Variants in ZFHX3 observed in about 807,000 individuals in gnomAD.
ZFHX3 encodes the protein zinc finger homeobox 3.
A neutral mutation model predicts 279.1 loss-of-function variants in ZFHX3; 42 were observed. The observed-to-expected ratio is 0.15, with a 90% CI of 0.12 to 0.19. ZFHX3 has a LOEUF of 0.19. ZFHX3 is among the 10% of genes least tolerant of loss of function. The probability of loss-of-function intolerance (pLI) is 1.00; values close to 1 mark genes in which losing one functional copy is unlikely to be tolerated. For synonymous variants in ZFHX3, 2,293 were observed against 1,957.8 expected, an observed-to-expected ratio of 1.17 and a Z score of -4.52; for missense variants, 4,981 against 4,754.0, an observed-to-expected ratio of 1.05 and a Z score of -1.40.
At chr16:72,806,268 C>G (rs898843575) in intron 7 of ZFHX3, among the ~76,000 whole-genome samples, 3 of 152,104 alleles carry the variant, frequency 2.0e-5, no homozygotes, top group Non-Finnish European at 2.9e-5. Context: ...AGGCTGGAAA[C>G]AAATGTAGCT....
At chr16:73,816,984 C>T (rs1378449098) in intron 1 of ZFHX3, among the ~76,000 whole-genome samples, 1 of 152,094 alleles carries the variant, frequency 6.6e-6, no homozygotes, top group Non-Finnish European at 1.5e-5. Context: ...TGAAGGTCCC[C>T]ACATCCCAGG....
chr16:73,658,137 A>G (rs2052741214), intron 2 of ZFHX3, among the ~76,000 whole-genome samples: 1 of 152,172 alleles, frequency 6.6e-6, no homozygotes, highest in South Asian at 2.1e-4. Flanking sequence ...ATACATTACA[A>G]TTAACATTAC....
At chr16:73,793,845 G>A (rs773852903) in intron 1 of ZFHX3, among the ~76,000 whole-genome samples, 2 of 152,118 alleles carry the variant, frequency 1.3e-5, no homozygotes, top group African/African-American at 2.4e-5. Context: ...AGGGGATACT[G>A]TACCTTTAAC....
At chr16:73,424,125 G>A (rs1266071736) in intron 3 of ZFHX3, among the ~76,000 whole-genome samples, 2 of 152,114 alleles carry the variant, frequency 1.3e-5, no homozygotes, top group African/African-American at 2.4e-5. Flanking sequence ...AGACAAAACT[G>A]TTTCATATTA....
intron 2 of ZFHX3, among the ~76,000 whole-genome samples, chr16:73,584,872 G>C (rs2051907164): frequency 6.6e-6 from 1 of 152,088 alleles, no homozygotes; most frequent in South Asian, 2.1e-4. Context: ...AATCTACAAT[G>C]AACTTAAGCA....
chr16:72,843,428 G>A (rs1372726020), intron 4 of ZFHX3, among the ~76,000 whole-genome samples: 3 of 150,698 alleles, frequency 2.0e-5, no homozygotes, highest in Non-Finnish European at 4.4e-5. Context: ...GGAGAATGGC[G>A]TGAACCCGGG....
chr16:73,407,055 G>A (rs1482862937), intron 3 of ZFHX3, among the ~76,000 whole-genome samples: 1 of 151,980 alleles, frequency 6.6e-6, no homozygotes, highest in African/African-American at 2.4e-5. Context: ...ATTTTTTCCT[G>A]CAGGGCGTAT....
Position 72,959,735 on chromosome 16 carries a change from C to A in ZFHX3, c.411G>T (p.Pro137=), listed in dbSNP as rs137934602. 6.2e-7 allele frequency: 1 copy of A among 1,612,640 alleles called. No homozygotes were observed. ...TCTCCACAATGTACGCGGAGCCGTC[C>A]GGCTGGTAGACGATCTCCCCGGCCA... ...ENLAGEIVYQ[P]DGSAYIVESL... is the part of the protein sequence containing the mutation. The change falls in exon 2 of 10, where the codon CCG becomes CCT. Residue 137 remains proline (P), a synonymous_variant. Coordinates refer to ENST00000268489, the MANE Select transcript of ZFHX3 (RefSeq NM_006885.4).
intron 1 of ZFHX3, among the ~76,000 whole-genome samples, chr16:73,736,346 G>T (rs879584901): frequency 2.6e-5 from 4 of 152,142 alleles, no homozygotes; most frequent in Non-Finnish European, 5.9e-5. Flanking sequence ...ATCATGGAAG[G>T]TCTACTCTCT....
chr16:72,857,472 A>G (rs1043733937), intron 4 of ZFHX3, among the ~76,000 whole-genome samples: 4 of 152,212 alleles, frequency 2.6e-5, no homozygotes, highest in African/African-American at 9.6e-5. Flanking sequence ...GGATCACTTG[A>G]GCCCAGGAGT....
At chr16:73,531,205 C>A (rs2019796260) in intron 2 of ZFHX3, among the ~76,000 whole-genome samples, 1 of 152,206 alleles carries the variant, frequency 6.6e-6, no homozygotes, top group Non-Finnish European at 1.5e-5. Flanking sequence ...CTTGGCCACC[C>A]TTCTTTGCCC....
At chr16:73,649,551 T>G (rs1418381772) in intron 2 of ZFHX3, among the ~76,000 whole-genome samples, 1 of 152,234 alleles carries the variant, frequency 6.6e-6, no homozygotes, top group Non-Finnish European at 1.5e-5. Flanking sequence ...TTATATATCC[T>G]GATTTTCTAT....
intron 2 of ZFHX3, among the ~76,000 whole-genome samples, chr16:73,564,183 G>C (rs825700): frequency 1.5e-3 from 229 of 152,024 alleles, no homozygotes; most frequent in Admixed American, 3.9e-3. Flanking sequence ...CTCTGGGTTT[G>C]GTTCAGCCTC....
chr16:73,334,587 C>G (rs540949409), intron 3 of ZFHX3, among the ~76,000 whole-genome samples: 1 of 151,954 alleles, frequency 6.6e-6, no homozygotes, highest in Non-Finnish European at 1.5e-5. Flanking sequence ...TGCCCGCTCC[C>G]CAAAGGACCG....
chr16:73,804,833 CA>C (rs1174497922), intron 1 of ZFHX3, among the ~76,000 whole-genome samples: 1 of 140,748 alleles, frequency 7.1e-6, no homozygotes, highest in Non-Finnish European at 1.5e-5. Context: ...CTTCTATGGC[CA>C]AAACACTATA....
intron 3 of ZFHX3, among the ~76,000 whole-genome samples, chr16:72,903,602 C>T (rs1308123814): frequency 2.0e-5 from 3 of 152,138 alleles, no homozygotes; most frequent in Non-Finnish European, 4.4e-5. Flanking sequence ...TAGCCCACCA[C>T]CCATCTGCTC....
chr16:73,524,344 T>A (rs149695028), intron 2 of ZFHX3, among the ~76,000 whole-genome samples: 1 of 152,182 alleles, frequency 6.6e-6, no homozygotes, highest in East Asian at 1.9e-4. Context: ...TCCAACCCCT[T>A]CATTGAACAG....
At chr16:73,465,668 C>T (rs996611831) in intron 2 of ZFHX3, among the ~76,000 whole-genome samples, 7 of 152,180 alleles carry the variant, frequency 4.6e-5, no homozygotes, top group Admixed American at 2.0e-4. Flanking sequence ...AACACATCAT[C>T]GAATGCTCAG....
chr16:73,449,969 C>T (rs1200737865), intron 3 of ZFHX3, among the ~76,000 whole-genome samples: 1 of 151,954 alleles, frequency 6.6e-6, no homozygotes, highest in Admixed American at 6.6e-5. Context: ...CAATGTCTAC[C>T]CATTAAATGC....
Sources: allele counts gnomAD v4.1 joint callset (sites outside exome capture counted in the v4.1 genomes callset), GRCh38; gene constraint gnomAD v4.1.1; transcripts MANE v1.5; gene names NCBI Gene and HGNC (gene_info 2026-07-23, HGNC 2026-07-21).